NFASC: variants seen among roughly 807,000 people sequenced by gnomAD.
The protein encoded by NFASC is neurofascin homolog.
A neutral mutation model predicts 147.5 loss-of-function variants in NFASC; 43 were observed. The observed-to-expected ratio is 0.29, with a 90% CI of 0.23 to 0.38. NFASC has a LOEUF of 0.38. Ranked by LOEUF, NFASC falls within the 10% of genes least tolerant of loss-of-function variation. The probability of loss-of-function intolerance (pLI) is 1.00; values close to 1 mark genes in which losing one functional copy is unlikely to be tolerated. For missense variants in NFASC, 1,320 were observed against 1,689.0 expected (o/e 0.78, Z 3.83); for synonymous variants, 622 against 665.5 (o/e 0.93, Z 1.01).
intron 2 of NFASC, among the ~76,000 whole-genome samples, chr1:204,924,280 A>T (rs748258513): frequency 9.2e-5 from 14 of 152,220 alleles, no homozygotes; most frequent in African/African-American, 1.4e-4. Flanking sequence ...TGGGATGTAA[A>T]TGCAGAAGGC....
intron 2 of NFASC, among the ~76,000 whole-genome samples, chr1:204,930,015 G>T (rs1017435884): frequency 6.6e-6 from 1 of 152,208 alleles, no homozygotes; most frequent in Admixed American, 6.5e-5. Context: ...GGAAGTGGCG[G>T]ACGGTGGCCC....
chr1:204,919,714 T>C lies in NFASC; in HGVS notation c.-199-918T>C, dbSNP rs140557545. On this transcript the variant is annotated intron_variant, in intron 1 of 29. Transcript: ENST00000339876. ...CGCAATCTTGGCTCACTATAACCTC[T>C]GCCTCCCGGGTTCAAGCCATTCTCC... Among the ~76,000 whole-genome samples, 475 of 152,116 alleles carry C rather than the reference T, an allele frequency of 3.1e-3. 2 individuals carry two copies. Among genetic ancestry groups the C allele is most frequent in the African/African-American group, 0.011 (456 of 41,512 alleles).
At chr1:204,996,866 T>C (rs1423181509) in intron 24 of NFASC, among the ~76,000 whole-genome samples, 1 of 152,160 alleles carries the variant, frequency 6.6e-6, no homozygotes, top group Non-Finnish European at 1.5e-5. Context: ...TCTGAGCGAT[T>C]CAGCCCGTGC....
chr1:205,009,938 C>G, intron 28 of NFASC: 1 of 542,178 alleles, frequency 1.8e-6, no homozygotes, highest in South Asian at 2.3e-5. Flanking sequence ...GGAACCCTGG[C>G]TCCTATTAAG....
intron 28 of NFASC, 184 bp downstream of exon 28, chr1:205,009,872 G>T: frequency 1.5e-6 from 1 of 667,982 alleles, no homozygotes; most frequent in Admixed American, 2.6e-5. Context: ...AGTTAATTAA[G>T]TTCGCCTGAG....
intron 1 of NFASC, among the ~76,000 whole-genome samples, chr1:204,858,432 G>A (rs1013999987): frequency 6.6e-6 from 1 of 152,194 alleles, no homozygotes; most frequent in Non-Finnish European, 1.5e-5. Context: ...CTGGGCTCCT[G>A]TTTTGGTCTG....
chr1:204,939,124 A>C (rs1053585048), intron 2 of NFASC, among the ~76,000 whole-genome samples: 18 of 146,988 alleles, frequency 1.2e-4, no homozygotes, highest in Non-Finnish European at 2.4e-4. Flanking sequence ...CATGAGCTGA[A>C]TTAATCATGT....
chr1:205,018,671 T>A lies in NFASC; in HGVS notation c.*2132T>A, dbSNP rs554499660. 11 of 152,684 alleles carry A rather than the reference T, an allele frequency of 7.2e-5. No individual in the cohort carries two copies. Among genetic ancestry groups the A allele is most frequent in the Non-Finnish European group, 1.5e-4 (10 of 68,074 alleles). 9.5% of individuals were successfully genotyped at this position (152,684 alleles called of 1,614,324 possible). A position where few individuals can be genotyped will look rare whatever the true frequency, so the allele number is the denominator to read the frequency against. On this transcript the variant is annotated 3_prime_UTR_variant, in exon 30 of 30. Transcript: ENST00000339876. ...GCTTGGATACTAGGCCCACTGTCCC[T>A]GAAGGGAATGTCAGGGAAGTGTGCC...
At chr1:204,928,917 G>A (rs2092047295) in intron 2 of NFASC, among the ~76,000 whole-genome samples, 1 of 152,118 alleles carries the variant, frequency 6.6e-6, no homozygotes, top group Non-Finnish European at 1.5e-5. Flanking sequence ...GTGTGAATAC[G>A]AGGTATTCAT....
rs1001560382 is a variant in NFASC, at chr1:205,017,026, T to C, written c.*487T>C. ...CCCAGGAGAATCCTTTTTGCAAAGA[T>C]AGGCAAAAAGGATTGAATCCATACC... is the stretch of plus-strand genomic sequence containing the variant. On this transcript the variant is annotated 3_prime_UTR_variant, in exon 30 of 30. Coordinates refer to ENST00000339876, the MANE Select transcript of NFASC (RefSeq NM_001005388.3). 3 of 266,158 alleles carry C rather than the reference T, an allele frequency of 1.1e-5. No homozygotes were observed. Among genetic ancestry groups the C allele is most frequent in the Admixed American group, 9.5e-5 (2 of 20,952 alleles). 16.5% of individuals were successfully genotyped at this position (266,158 alleles called of 1,614,324 possible). A position where few individuals can be genotyped will look rare whatever the true frequency, so the allele number is the denominator to read the frequency against.
intron 2 of NFASC, among the ~76,000 whole-genome samples, chr1:204,931,914 C>A (rs1238651435): frequency 2.0e-5 from 3 of 152,174 alleles, no homozygotes; most frequent in Non-Finnish European, 1.5e-5. Context: ...GAACATTAAA[C>A]CATCCTTCTA....
intron 1 of NFASC, among the ~76,000 whole-genome samples, chr1:204,876,306 C>CA (rs754323364): frequency 3.3e-5 from 5 of 152,100 alleles, no homozygotes; most frequent in Non-Finnish European, 5.9e-5. Context: ...AGTCCACCGC[C>CA]ACCCCACAGC....
intron 3 of NFASC, chr1:204,948,688 T>C (rs1487616928): frequency 3.9e-6 from 2 of 519,082 alleles, no homozygotes; most frequent in Non-Finnish European, 7.7e-6. Flanking sequence ...GAGAGACTTC[T>C]TCCTTGGATC....
At chr1:204,887,573 G>T (rs2081531230) in intron 1 of NFASC, among the ~76,000 whole-genome samples, 1 of 145,564 alleles carries the variant, frequency 6.9e-6, no homozygotes, top group Non-Finnish European at 1.5e-5. Context: ...ATTTTTTTGA[G>T]GAGCCTGATT....
intron 1 of NFASC, among the ~76,000 whole-genome samples, chr1:204,913,021 C>T (rs890943144): frequency 6.6e-6 from 1 of 152,014 alleles, no homozygotes; most frequent in African/African-American, 2.4e-5. Context: ...GAGCAAGACC[C>T]CATCTCAAAA....
chr1:205,001,533 G>C (rs539356398), intron 26 of NFASC, among the ~76,000 whole-genome samples: 2 of 152,156 alleles, frequency 1.3e-5, no homozygotes, highest in Non-Finnish European at 1.5e-5. Flanking sequence ...CATGTCTGTG[G>C]AGGACCTGGG....
chr1:204,984,633 A>G (rs1000564217), intron 21 of NFASC, among the ~76,000 whole-genome samples: 2 of 144,300 alleles, frequency 1.4e-5, no homozygotes, highest in Non-Finnish European at 3.1e-5. Flanking sequence ...AGCCACAACT[A>G]ACAGGCAAAG....
At position 205,016,609 on chromosome 1, in the gene NFASC, C is replaced by A; in HGVS notation, c.*70C>A. On this transcript the variant is annotated 3_prime_UTR_variant, in exon 30 of 30. Coordinates refer to ENST00000339876, the MANE Select transcript of NFASC (RefSeq NM_001005388.3). This position sits in a 1 kb window ranked among gnomAD's most constrained non-coding sequence, Gnocchi z 5.1. ...GGGAGAAGGGGAGACAAAACCACTGCAGACCTACCACGAAGCCACCACCAC... is the reference window on the plus strand; with the variant it reads ...GGGAGAAGGGGAGACAAAACCACTGAAGACCTACCACGAAGCCACCACCAC... 2 of 1,105,250 alleles carry A rather than the reference C, an allele frequency of 1.8e-6. No homozygotes were observed. The highest frequency in any genetic ancestry group is 2.8e-6 in the Non-Finnish European group (2 of 725,978). The allele number at this position is 1,105,250 out of a possible 1,614,324, so 68.5% of individuals were successfully genotyped here.
At chr1:204,901,098 G>A (rs2149189178) in intron 1 of NFASC, among the ~76,000 whole-genome samples, 1 of 152,300 alleles carries the variant, frequency 6.6e-6, no homozygotes, top group East Asian at 1.9e-4. Context: ...GGGAAAGGCT[G>A]TGTGTGGTGG....
Sources: allele counts gnomAD v4.1 joint callset (sites outside exome capture counted in the v4.1 genomes callset), GRCh38; gene constraint gnomAD v4.1.1; non-coding constraint Gnocchi (gnomAD v3.1); transcripts MANE v1.5; gene names NCBI Gene and HGNC (gene_info 2026-07-23, HGNC 2026-07-21).